RGS6: variants seen among roughly 807,000 people sequenced by gnomAD.
RGS6 encodes the protein regulator of G-protein signaling 6.
A neutral mutation model predicts 78.5 loss-of-function variants in RGS6; 30 were observed. The observed-to-expected ratio is 0.38, with a 90% CI of 0.29 to 0.52. The LOEUF (loss-of-function observed/expected upper bound fraction) is 0.52, where lower values mean the gene tolerates loss of function less well. RGS6 is among the 20% of genes least tolerant of loss of function. The pLI is 0.85. For missense variants in RGS6, 495 were observed against 609.7 expected, an observed-to-expected ratio of 0.81 and a Z score of 1.98; for synonymous variants, 206 against 206.0, an observed-to-expected ratio of 1.00 and a Z score of 0.00.
In RGS6 at chr14:72,180,465, T is replaced by C. The variant is rs140666130; in HGVS notation, c.85-171630T>C. Reference sequence around the variant, plus strand: ...CTTCGATCTTAACCTTTATGATACATAGCATTTTGTACTACCCTTGAGAAA... The same window carrying C: ...CTTCGATCTTAACCTTTATGATACACAGCATTTTGTACTACCCTTGAGAAA... On this transcript the variant is annotated intron_variant, in intron 2 of 17. Coordinates refer to ENST00000553525, the MANE Select transcript of RGS6 (RefSeq NM_001204424.2). 9.2e-5 allele frequency among the ~76,000 whole-genome samples: 14 copies of C among 152,384 alleles called. No homozygotes were observed. In the East Asian group the frequency reaches 2.7e-3, roughly 29 times the overall value.
At chr14:72,175,597 G>T (rs1033664081) in intron 2 of RGS6, among the ~76,000 whole-genome samples, 1 of 152,206 alleles carries the variant, frequency 6.6e-6, no homozygotes, top group Non-Finnish European at 1.5e-5. Context: ...ATCATTCATT[G>T]GTTGAGGAGA....
In RGS6 at chr14:72,078,563, G is replaced by A. The variant is rs56147848; in HGVS notation, c.84+113688G>A. On this transcript the variant is annotated intron_variant, in intron 2 of 17. Transcript: ENST00000553525. ...CAAGTAGCTGGGATTACAGGCGCCC[G>A]TCACCACGCCTAGCTAATTTTTGTA... Among the ~76,000 whole-genome samples the A allele has an allele frequency of 2.2e-3, 331 of 152,120 alleles. 1 individual carries two copies. Among genetic ancestry groups the A allele is most frequent in the Non-Finnish European group, 3.4e-3 (234 of 67,978 alleles).
intron 3 of RGS6, among the ~76,000 whole-genome samples, chr14:72,400,802 T>C (rs985844001): frequency 1.3e-5 from 2 of 152,204 alleles, no homozygotes; most frequent in African/African-American, 4.8e-5. Context: ...TACCTTCTTA[T>C]CTCTGATCCT....
Position 72,205,570 on chromosome 14 carries a change from C to T in RGS6, c.85-146525C>T, listed in dbSNP as rs935517480. On this transcript the variant is annotated intron_variant, in intron 2 of 17. Transcript: ENST00000553525. ...CATATATTCCAGCCATATCTTTATA[C>T]TTCTGTGGTCCTGTGGAATAGTACC... 2.0e-5 allele frequency among the ~76,000 whole-genome samples: 3 copies of T among 152,316 alleles called. No individual in the cohort carries two copies. The South Asian group carries it at 6.2e-4, about 32-fold the overall frequency.
chr14:72,476,603 G>A lies in RGS6; in HGVS notation c.694-139G>A, dbSNP rs1161548750. On this transcript the variant is annotated intron_variant, in intron 10 of 17. Coordinates refer to ENST00000553525, the MANE Select transcript of RGS6 (RefSeq NM_001204424.2). The stretch of plus-strand genomic sequence containing the variant: ...CTTAAGAGGCAGCATTCTCATCATT[G>A]AAGAAATAAAAGCAGAGACCAATCT... 3 of 632,658 alleles carry A rather than the reference G, an allele frequency of 4.7e-6. No homozygotes were observed. The Admixed American group carries it at 8.9e-5, about 19-fold the overall frequency. 39.2% of individuals were successfully genotyped at this position (632,658 alleles called of 1,614,324 possible). A position where few individuals can be genotyped will look rare whatever the true frequency, so the allele number is the denominator to read the frequency against.
chr14:72,229,540 G>A (rs2049007178), intron 2 of RGS6, among the ~76,000 whole-genome samples: 1 of 152,130 alleles, frequency 6.6e-6, no homozygotes. Flanking sequence ...ATATATGGCA[G>A]GTTGGGGTTT....
At chr14:72,578,120 T>A in the RGS6 span, among the ~76,000 whole-genome samples, 1 of 152,252 alleles carries the variant, frequency 6.6e-6, no homozygotes, top group South Asian at 2.1e-4. Context: ...CAGCCCAATC[T>A]ACCTGCTCTG....
intron 13 of RGS6, among the ~76,000 whole-genome samples, chr14:72,496,396 T>C (rs972294533): frequency 6.6e-6 from 1 of 152,220 alleles, no homozygotes; most frequent in African/African-American, 2.4e-5. Context: ...ACATCCCTTA[T>C]GATGATACGC....
At chr14:72,554,645 G>T (rs1024057802) in intron 17 of RGS6, among the ~76,000 whole-genome samples, 2 of 152,130 alleles carry the variant, frequency 1.3e-5, no homozygotes, top group African/African-American at 4.8e-5. Flanking sequence ...AGGCCTTACA[G>T]GCAGAATGCC....
intron 15 of RGS6, 129 bp downstream of exon 15, chr14:72,518,666 A>G: frequency 1.2e-6 from 1 of 844,726 alleles, no homozygotes; most frequent in Middle Eastern, 2.4e-4. Context: ...TAAGTTCATC[A>G]GTGGAAACCA....
chr14:72,091,326 A>G (rs1276330619), intron 2 of RGS6, among the ~76,000 whole-genome samples: 3 of 152,302 alleles, frequency 2.0e-5, no homozygotes, highest in East Asian at 3.9e-4. Flanking sequence ...ACCACTGAGG[A>G]TGCATTTTCC....
chr14:72,520,800 T>A (rs1258931054), intron 15 of RGS6, among the ~76,000 whole-genome samples: 1 of 152,270 alleles, frequency 6.6e-6, no homozygotes, highest in East Asian at 1.9e-4. Flanking sequence ...TCCATTTTGC[T>A]GATTACTTTT....
intron 2 of RGS6, among the ~76,000 whole-genome samples, chr14:72,187,221 C>A (rs1396663362): frequency 1.3e-5 from 2 of 152,132 alleles, no homozygotes; most frequent in Non-Finnish European, 2.9e-5. Flanking sequence ...ATGAGCACTG[C>A]CTTATAGGAT....
intron 3 of RGS6, among the ~76,000 whole-genome samples, chr14:72,386,268 T>C (rs1721998408): frequency 6.6e-6 from 1 of 152,224 alleles, no homozygotes; most frequent in African/African-American, 2.4e-5. Context: ...CCGGGTGTGG[T>C]GGCTCACATC....
chr14:72,511,064 T>C (rs531665215), intron 14 of RGS6, among the ~76,000 whole-genome samples: 2 of 152,354 alleles, frequency 1.3e-5, no homozygotes, highest in East Asian at 1.9e-4. Flanking sequence ...TAGACTTTTA[T>C]GGTATTAGAT....
At chr14:72,375,649 T>G (rs946882934) in intron 3 of RGS6, among the ~76,000 whole-genome samples, 3 of 152,202 alleles carry the variant, frequency 2.0e-5, no homozygotes, top group African/African-American at 7.2e-5. Flanking sequence ...TGCAGACATA[T>G]GCCTCCAATC....
At chr14:72,323,301 G>T (rs1346356149) in intron 2 of RGS6, among the ~76,000 whole-genome samples, 1 of 151,914 alleles carries the variant, frequency 6.6e-6, no homozygotes, top group African/African-American at 2.4e-5. Flanking sequence ...AACAAGAAAT[G>T]TGCCCAAATT....
intron 2 of RGS6, among the ~76,000 whole-genome samples, chr14:72,041,630 G>A (rs1442263385): frequency 3.3e-5 from 5 of 152,344 alleles, no homozygotes; most frequent in Admixed American, 6.5e-5. Flanking sequence ...AGCTGTGCCA[G>A]CCTGGGGAAA....
intron 2 of RGS6, among the ~76,000 whole-genome samples, chr14:72,260,224 T>A (rs1297716932): frequency 6.6e-6 from 1 of 152,192 alleles, no homozygotes; most frequent in African/African-American, 2.4e-5. Context: ...AAGTTGTTAT[T>A]TTTGTCAAGG....
Sources: gnomAD v4.1 joint callset for allele counts (sites outside exome capture counted in the v4.1 genomes callset) on GRCh38, gnomAD v4.1.1 for gene constraint, MANE v1.5 for transcripts, NCBI Gene and HGNC (gene_info 2026-07-23, HGNC 2026-07-21) for gene names.